The following PHF11 variants were observed in gnomAD, a reference collection of about 807,000 sequenced individuals.
PHF11 encodes the protein BRCA1 C-terminus-associated protein.
In PHF11, 38 loss-of-function variants were observed where a neutral mutation model predicts 40.5. The ratio of observed to expected loss-of-function variants is 0.94; its 90% CI spans 0.72 to 1.23. The LOEUF is 1.23. Ranked by LOEUF, PHF11 falls within the 50% of genes most tolerant of loss-of-function variation. PHF11 has a pLI of 0.00. For synonymous variants in PHF11, 127 were observed against 138.2 expected (o/e 0.92, Z 0.57); for missense variants, 369 against 392.4 (o/e 0.94, Z 0.50).
chr13:49,527,793 C>T (rs1378034072), intron 9 of PHF11, among the ~76,000 whole-genome samples: 2 of 151,950 alleles, frequency 1.3e-5, no homozygotes, highest in African/African-American at 4.8e-5. Context: ...GGGGGTGCCA[C>T]TACTTAGAAC....
chr13:49,509,618 G>C (rs1959057148), intron 2 of PHF11, among the ~76,000 whole-genome samples: 1 of 152,164 alleles, frequency 6.6e-6, no homozygotes, highest in Non-Finnish European at 1.5e-5. Context: ...GAGCCAGGTG[G>C]AGATAAGTGA....
At chr13:49,512,932 T>C in intron 2 of PHF11, 127 bp from the exon 3 acceptor site, 1 of 594,316 alleles carries the variant, frequency 1.7e-6, no homozygotes, top group Non-Finnish European at 3.0e-6. Flanking sequence ...CCCCCAAAGT[T>C]GCCACTGTTT....
In PHF11 at chr13:49,513,108, C is replaced by G. The variant is rs768363449; in HGVS notation, c.266C>G (p.Pro89Arg). Reference protein sequence around the residue: ...VECEDQDPLNPDRSFDVESVK... With the variant: ...VECEDQDPLNRDRSFDVESVK... ...TGTGAGGATCAGGATCCACTTAATC[C>G]TGATAGAAGTTTTGATGTGGAATCA... Residue 89 changes from proline (P) to arginine (R), a missense_variant, in exon 3 of 10, where the codon CCT becomes CGT. Physicochemically the swap from Pro to Arg is moderately radical, Grantham distance 103. Transcript: ENST00000378319. 1.2e-5 allele frequency: 19 copies of G among 1,603,866 alleles called. No homozygotes were observed. The East Asian group carries it at 3.8e-4, about 32-fold the overall frequency.
rs1395172241 is a variant in PHF11 at position 49,523,250 on chromosome 13, TAA to T, written c.637+10_637+11del. ...GCATGGCAGACACACAGGTTTGCGC[TAA>T]GTGTTGTCTGTAACAAATATGGCCT... On this transcript the variant is annotated intron_variant, in intron 7 of 9. Transcript: ENST00000378319. 3.8e-6 allele frequency: 6 copies of T among 1,593,042 alleles called. No individual in the cohort carries two copies. Among genetic ancestry groups the T allele is most frequent in the East Asian group, 2.2e-5 (1 of 44,804 alleles).
At chr13:49,522,963 C>G (rs551432072) in intron 6 of PHF11, among the ~76,000 whole-genome samples, 13 of 152,106 alleles carry the variant, frequency 8.5e-5, no homozygotes, top group Non-Finnish European at 1.3e-4. Flanking sequence ...CAAGGTTTCA[C>G]CCTGTTGTCC....
Position 49,526,487 on chromosome 13 carries a change from C to T in PHF11, c.841+29C>T, listed in dbSNP as rs79588680. The T allele has an allele frequency of 7.7e-3, 9,000 of 1,166,388 alleles. 506 individuals are homozygous for T. The African/African-American group carries it at 0.13, about 17-fold the overall frequency. The allele number at this position is 1,166,388 out of a possible 1,614,324, so 72.3% of individuals were successfully genotyped here. A position where few individuals can be genotyped will look rare whatever the true frequency, so the allele number is the denominator to read the frequency against. ...TATGAGTTATATAACATCTGAGCAG[C>T]ATAGTTTTGAGAAATATTTATCACG... On this transcript the variant is annotated intron_variant, in intron 9 of 9. Transcript: ENST00000378319.
At chr13:49,508,352 A>G (rs9562887) in intron 2 of PHF11, among the ~76,000 whole-genome samples, 6 of 146,660 alleles carry the variant, frequency 4.1e-5, no homozygotes, top group African/African-American at 1.5e-4. Context: ...TACTATATTC[A>G]TATATTCATA....
In PHF11 at chr13:49,528,851, T is replaced by G; in HGVS notation, c.*186T>G. The G allele has an allele frequency of 1.9e-6, 1 of 527,572 alleles. No individual in the cohort carries two copies. The highest frequency in any genetic ancestry group is 3.3e-6 in the Non-Finnish European group (1 of 300,492). The allele number at this position is 527,572 out of a possible 1,614,324, so 32.7% of individuals were successfully genotyped here. A position where few individuals can be genotyped will look rare whatever the true frequency, so the allele number is the denominator to read the frequency against. On this transcript the variant is annotated 3_prime_UTR_variant, in exon 10 of 10. Coordinates refer to ENST00000378319, the MANE Select transcript of PHF11 (RefSeq NM_001040443.3). ...ACACTCTTGTGTTTTTTGCTCACTGTCACATTCCCAGCACCTAGTATGCTC... is the reference window on the plus strand; with the variant it reads ...ACACTCTTGTGTTTTTTGCTCACTGGCACATTCCCAGCACCTAGTATGCTC...
intron 2 of PHF11, among the ~76,000 whole-genome samples, chr13:49,509,244 C>T (rs1476872700): frequency 6.7e-6 from 1 of 149,050 alleles, no homozygotes; most frequent in Non-Finnish European, 1.5e-5. Context: ...CAGAGTCTTG[C>T]TCTGTCGCCC....
intron 3 of PHF11, among the ~76,000 whole-genome samples, chr13:49,514,615 C>T (rs1320711015): frequency 6.6e-6 from 1 of 151,892 alleles, no homozygotes; most frequent in Admixed American, 6.6e-5. Flanking sequence ...AAAATTAGCC[C>T]GACACAGTGG....
chr13:49,497,348 G>A, intron 1 of PHF11: 2 of 529,800 alleles, frequency 3.8e-6, no homozygotes, highest in Non-Finnish European at 6.8e-6. Context: ...TTCCTCCACT[G>A]TATTCAGGTA....
Position 49,518,015 on chromosome 13 carries a change from T to A in PHF11, c.325-3T>A, listed in dbSNP as rs1178685133. 6.6e-7 allele frequency: 1 copy of A among 1,506,294 alleles called. No individual in the cohort carries two copies. Among genetic ancestry groups the A allele is most frequent in the Non-Finnish European group, 9.1e-7 (1 of 1,095,554 alleles). The allele number at this position is 1,506,294 out of a possible 1,614,324, so 93.3% of individuals were successfully genotyped here. On this transcript the variant is annotated splice_polypyrimidine_tract_variant and splice_region_variant and intron_variant, in intron 3 of 9. Coordinates refer to ENST00000378319, the MANE Select transcript of PHF11 (RefSeq NM_001040443.3). ...TTACTCAGTAAAATCTATTCTTCTG[T>A]AGAAATGCAAATTTTGTCATAAAAG... is the stretch of plus-strand genomic sequence containing the variant.
chr13:49,504,481 CG>C (rs1958951584), intron 1 of PHF11, among the ~76,000 whole-genome samples: 3 of 144,670 alleles, frequency 2.1e-5, no homozygotes, highest in African/African-American at 7.5e-5. Flanking sequence ...CCCAGCCCCC[CG>C]CCCGGCCAGC....
At chr13:49,527,210 A>C (rs1308709728) in intron 9 of PHF11, 12 of 152,178 alleles carry the variant, frequency 7.9e-5, no homozygotes, top group Admixed American at 7.9e-4. Flanking sequence ...TTTCAGCATT[A>C]AGATGCCCTC....
intron 5 of PHF11, 36 bp downstream of exon 5, chr13:49,520,976 G>A (rs977707292): frequency 6.5e-7 from 1 of 1,537,334 alleles, no homozygotes; most frequent in African/African-American, 1.4e-5. Context: ...GGGTTTTAAA[G>A]AAAGGTAAAC....
intron 1 of PHF11, among the ~76,000 whole-genome samples, chr13:49,498,912 T>A (rs1277260018): frequency 6.6e-6 from 1 of 152,198 alleles, no homozygotes; most frequent in Non-Finnish European, 1.5e-5. Flanking sequence ...ACGTACTGGC[T>A]GCAAGTACTA....
intron 2 of PHF11, among the ~76,000 whole-genome samples, chr13:49,509,214 ATTT>A (rs11423473): frequency 6.9e-6 from 1 of 143,910 alleles, no homozygotes; most frequent in African/African-American, 2.5e-5. Context: ...CTTTAGTATG[ATTT>A]TTTTTTTTTT....
At chr13:49,497,446 T>C (rs1958832531) in intron 1 of PHF11, among the ~76,000 whole-genome samples, 1 of 152,168 alleles carries the variant, frequency 6.6e-6, no homozygotes, top group Admixed American at 6.5e-5. Flanking sequence ...CTCTCTTTCC[T>C]CCGGACACCC....
At chr13:49,512,554 A>C (rs909340380) in intron 2 of PHF11, among the ~76,000 whole-genome samples, 5 of 152,196 alleles carry the variant, frequency 3.3e-5, no homozygotes, top group African/African-American at 9.7e-5. Flanking sequence ...TAGCACATAG[A>C]GACTTGAGCC....
Sources: gnomAD v4.1 joint callset for allele counts (sites outside exome capture counted in the v4.1 genomes callset) on GRCh38, gnomAD v4.1.1 for gene constraint, MANE v1.5 for transcripts, NCBI Gene and HGNC (gene_info 2026-07-23, HGNC 2026-07-21) for gene names.